PCDH20: variants seen among roughly 807,000 people sequenced by gnomAD.
PCDH20 encodes protocadherin 20, also known as protocadherin-20.
A neutral mutation model predicts 39.7 loss-of-function variants in PCDH20; 18 were observed. The ratio of observed to expected loss-of-function variants is 0.45; its 90% CI spans 0.31 to 0.67. PCDH20 has a LOEUF of 0.67. Among genes scored for constraint, PCDH20 ranks in the 30% least tolerant of loss-of-function variants. The pLI is 0.05. For synonymous variants in PCDH20, 495 were observed against 455.4 expected (o/e 1.09, Z -1.11); for missense variants, 1,161 against 1,167.4 (o/e 0.99, Z 0.08).
At chr13:61,412,737 G>A in exon 2 of PCDH20, 7 of 1,614,144 alleles carry the variant, frequency 4.3e-6, no homozygotes, top group Non-Finnish European at 5.9e-6. Flanking sequence ...CTCTTATGGT[G>A]AAAAACGCAA....
exon 1 of PCDH20, chr13:61,415,374 AGCTG>A: frequency 2.1e-6 from 1 of 484,362 alleles, no homozygotes; most frequent in African/African-American, 2.0e-5. Context: ...CTGCCAGAGG[AGCTG>A]GAATGGGGGA....
In PCDH20 at chr13:61,413,402, G is replaced by T. The variant is rs186256680; in HGVS notation, c.697C>A (p.Pro233Thr). ...ATGCCTACATCTGGGTCCACAGCAG[G>T]ATGCTCTATGGCCAGTCGGGTGTTT... Residue 233 changes from proline (P) to threonine (T), a missense_variant, in exon 2 of 2, where the codon CCT (proline) becomes ACT (threonine). By Grantham distance (38) the Pro-to-Thr change is conservative. This residue lies in a region of PCDH20 where 401 missense variants were observed against 368.7 expected (regional missense o/e 1.09). Coordinates refer to ENST00000409204, the Ensembl canonical transcript of PCDH20. The T allele has an allele frequency of 5.6e-6, 9 of 1,614,076 alleles. No homozygotes were observed. The Admixed American group carries it at 1.3e-4, about 24-fold the overall frequency.
rs145075988 is a variant in PCDH20 at position 61,412,689 on chromosome 13, A to C, written c.1410T>G (p.Asp470Glu). ...GTGATAACCTAAACGGCCCTTCACC[A>C]TCCAGGTAGCAGTTAACCTTGTATT... The change falls in exon 2 of 2, where the codon GAT becomes GAG. Residue 470 changes from aspartate (D) to glutamate (E), a missense_variant. Asp to Glu is a conservative substitution (Grantham distance 45, BLOSUM62 2). Coordinates refer to ENST00000409204, the Ensembl canonical transcript of PCDH20. 3.1e-6 allele frequency: 5 copies of C among 1,614,064 alleles called. No homozygotes were observed. The African/African-American group carries it at 6.7e-5, about 22-fold the overall frequency.
rs753134724 is a variant in PCDH20, at chr13:61,412,188, A to T, written c.1911T>A (p.Pro637=). The T allele has an allele frequency of 3.1e-6, 5 of 1,614,172 alleles. No homozygotes were observed. The South Asian group carries it at 5.5e-5, about 18-fold the overall frequency. ...AGCTGAAGTCCTTGTTGATAAACCGAGGACTGTTGTCATTTTTATCCAACA... is the reference window on the plus strand; with the variant it reads ...AGCTGAAGTCCTTGTTGATAAACCGTGGACTGTTGTCATTTTTATCCAACA... Residue 637 remains proline (P), a synonymous_variant, in exon 2 of 2, where the codon CCT becomes CCA. Transcript: ENST00000409204.
At chr13:61,412,451 G>A in exon 2 of PCDH20, 3 of 1,614,178 alleles carry the variant, frequency 1.9e-6, no homozygotes, top group Non-Finnish European at 2.5e-6. Flanking sequence ...AAGGCATTGG[G>A]TGAGTTGTTC....
chr13:61,412,710 G>T lies in PCDH20; in HGVS notation c.1389C>A (p.Tyr463Ter), dbSNP rs1878273264. ...CACCATCCAGGTAGCAGTTAACCTT[G>T]TATTTACCTTCTGGATCTCTTATGG... The change falls in exon 2 of 2, where the codon TAC becomes TAA. Residue 463 changes from tyrosine to a stop codon, truncating the protein, a stop_gained. Transcript: ENST00000409204. LOFTEE classifies it high-confidence loss of function. The T allele has an allele frequency of 6.2e-7, 1 of 1,613,998 alleles. No individual in the cohort carries two copies. Among genetic ancestry groups the T allele is most frequent in the Non-Finnish European group, 8.5e-7 (1 of 1,180,040 alleles).
exon 2 of PCDH20, chr13:61,413,544 C>A: frequency 6.2e-7 from 1 of 1,614,010 alleles, no homozygotes; most frequent in Non-Finnish European, 8.5e-7. Context: ...ATTCCTGAGG[C>A]AGGACAAGCA....
rs1315626179 is a variant in PCDH20 at position 61,413,386 on chromosome 13, T to G, written c.713A>C (p.Asp238Ala). 1.9e-6 allele frequency: 3 copies of G among 1,613,966 alleles called. No homozygotes were observed. In the Admixed American group the frequency reaches 5.0e-5, roughly 27 times the overall value. ...GGTCTGTACCCCATTAATGCCTACA[T>G]CTGGGTCCACAGCAGGATGCTCTAT... The change falls in exon 2 of 2, where the codon GAT becomes GCT. Residue 238 changes from aspartate to alanine, a missense_variant. Physicochemically the swap from Asp to Ala is moderately radical, Grantham distance 126. Coordinates refer to ENST00000409204, the Ensembl canonical transcript of PCDH20.
exon 2 of PCDH20, chr13:61,411,370 T>C (rs1344193071): frequency 6.2e-7 from 1 of 1,614,124 alleles, no homozygotes; most frequent in South Asian, 1.1e-5. Flanking sequence ...TAAACAGATG[T>C]ATATGCCCAT....
chr13:61,410,415 A>G (rs1190912959), exon 2 of PCDH20: 1 of 152,222 alleles, frequency 6.6e-6, no homozygotes, highest in Non-Finnish European at 1.5e-5. Context: ...TGAAGCAACT[A>G]AAGATTGAAG....
Position 61,413,972 on chromosome 13 carries a change from G to A in PCDH20, c.133-6C>T, listed in dbSNP as rs1566223687. 1.6e-5 allele frequency: 25 copies of A among 1,601,278 alleles called. No homozygotes were observed. Among genetic ancestry groups the A allele is most frequent in the Non-Finnish European group, 2.1e-5 (25 of 1,171,096 alleles). ...AGGAAAAACAGAAACAGATGCTGGAGTTGGGGGAGGGAAGAAAGCTCATTA... is the reference window on the plus strand; with the variant it reads ...AGGAAAAACAGAAACAGATGCTGGAATTGGGGGAGGGAAGAAAGCTCATTA... On this transcript the variant is annotated splice_polypyrimidine_tract_variant and splice_region_variant and intron_variant, in intron 1 of 1. Coordinates refer to ENST00000409204, the Ensembl canonical transcript of PCDH20.
rs753380119 is a variant in PCDH20, at chr13:61,415,022, C to T, written c.132+5G>A. 1.3e-5 allele frequency: 19 copies of T among 1,473,936 alleles called. No individual in the cohort carries two copies. Among genetic ancestry groups the T allele is most frequent in the East Asian group, 1.0e-4 (4 of 38,618 alleles). The allele number at this position is 1,473,936 out of a possible 1,614,324, so 91.3% of individuals were successfully genotyped here. ...GTCGCGGGGTTCCTTGACCCTAACC[C>T]TTACCGGCAGGTTCCTGTAGCTGGT... On this transcript the variant is annotated splice_donor_5th_base_variant and intron_variant, in intron 1 of 1. Coordinates refer to ENST00000409204, the Ensembl canonical transcript of PCDH20.
At chr13:61,413,292 G>C (rs773542341) in exon 2 of PCDH20, 1 of 1,613,974 alleles carries the variant, frequency 6.2e-7, no homozygotes, top group Admixed American at 1.7e-5. Context: ...TTAGGTAGGG[G>C]GTGCGCTCCC....
chr13:61,413,484 G>C (rs768094599), exon 2 of PCDH20: 3 of 1,613,688 alleles, frequency 1.9e-6, no homozygotes, highest in African/African-American at 1.3e-5. Context: ...ACTGCGGGGC[G>C]TTGTCATTGA....
chr13:61,412,853 T>C lies in PCDH20; in HGVS notation c.1246A>G (p.Ile416Val), dbSNP rs1432508494. 2.5e-6 allele frequency: 4 copies of C among 1,614,046 alleles called. No individual in the cohort carries two copies. In the South Asian group the frequency reaches 3.3e-5, roughly 13 times the overall value. ...GGGGGTCTGAAAATAACTTTAATAA[T>C]GGACACAAGAGCAGTGATTACAGCA... is the stretch of plus-strand genomic sequence containing the variant. Residue 416 changes from isoleucine to valine, a missense_variant, in exon 2 of 2, where the codon ATT becomes GTT. By Grantham distance (29) the Ile-to-Val change is conservative (BLOSUM62 3). This residue lies in a region of PCDH20 where 754 missense variants were observed against 777.5 expected (regional missense o/e 0.97). Coordinates refer to ENST00000409204, the Ensembl canonical transcript of PCDH20.
chr13:61,415,220 G>C (rs560344991), exon 1 of PCDH20: 1 of 1,296,916 alleles, frequency 7.7e-7, no homozygotes, highest in South Asian at 2.2e-5. Context: ...ACTCCCTCTC[G>C]GTTCATGCAA....
chr13:61,411,218 C>A lies in PCDH20; in HGVS notation c.*25G>T, dbSNP rs530913917. 12 of 1,566,664 alleles carry A rather than the reference C, an allele frequency of 7.7e-6. No homozygotes were observed. The South Asian group carries it at 1.1e-4, about 14-fold the overall frequency. ...AGATCCAAAGTCAGTTAAAACATTT[C>A]TCTGTGTTATTCCACCATGAAATAT... On this transcript the variant is annotated 3_prime_UTR_variant, in exon 2 of 2. Transcript: ENST00000409204.
chr13:61,411,923 CT>C lies in PCDH20; in HGVS notation c.2175del (p.Ala726GlnfsTer8), dbSNP rs751363059. ...TCTAGAAGGAGAATTGTGATTTTTGCTGTAGAGGAGAGGGCAGGCTCACCCC... is the reference window on the plus strand; with the variant it reads ...TCTAGAAGGAGAATTGTGATTTTTGCGTAGAGGAGAGGGCAGGCTCACCCC... On this transcript the variant is annotated frameshift_variant, in exon 2 of 2. Coordinates refer to ENST00000409204, the Ensembl canonical transcript of PCDH20. LOFTEE classifies it low-confidence loss of function (END_TRUNC). The C allele has an allele frequency of 1.9e-6, 3 of 1,614,034 alleles. No individual in the cohort carries two copies. The highest frequency in any genetic ancestry group is 2.5e-6 in the Non-Finnish European group (3 of 1,180,026).
In PCDH20 at chr13:61,415,225, A is replaced by C. The variant is rs1011003325; in HGVS notation, c.-67T>G. On this transcript the variant is annotated 5_prime_UTR_variant, in exon 1 of 2. An upstream start codon of the reference 5' UTR is lost. Transcript: ENST00000409204. ...GGCAGAAGACACTCCCTCTCGGTTCATGCAAATCGCTGGGGGAACTTCAGC... is the reference window on the plus strand; with the variant it reads ...GGCAGAAGACACTCCCTCTCGGTTCCTGCAAATCGCTGGGGGAACTTCAGC... 8 of 1,293,438 alleles carry C rather than the reference A, an allele frequency of 6.2e-6. No homozygotes were observed. The highest frequency in any genetic ancestry group is 7.9e-6 in the Non-Finnish European group (8 of 1,010,018). 80.1% of individuals were successfully genotyped at this position (1,293,438 alleles called of 1,614,324 possible).
Sources: allele counts gnomAD v4.1 joint callset, GRCh38; gene constraint gnomAD v4.1.1; regional missense constraint gnomAD v4.1.1; transcripts MANE v1.5; gene names NCBI Gene and HGNC (gene_info 2026-07-23, HGNC 2026-07-21).